The following CSMD1 variants were observed in gnomAD, a reference collection of about 807,000 sequenced individuals.
CSMD1 encodes the protein CUB and sushi domain-containing protein 1.
In CSMD1, 213 loss-of-function variants were observed where a neutral mutation model predicts 417.5. The observed-to-expected ratio is 0.51, with a 90% CI of 0.46 to 0.57. The LOEUF (loss-of-function observed/expected upper bound fraction) is 0.57, where lower values mean the gene tolerates loss of function less well. Among genes scored for constraint, CSMD1 ranks in the 20% least tolerant of loss-of-function variants. The probability of loss-of-function intolerance (pLI) is 0.00; values close to 1 mark genes in which losing one functional copy is unlikely to be tolerated. For missense variants in CSMD1, 6,923 were observed against 4,529.7 expected (o/e 1.53, Z -15.17); for synonymous variants, 2,862 against 1,736.8 (o/e 1.65, Z -16.11).
At chr8:4,288,705 G>A (rs981751441) in intron 3 of CSMD1, among the ~76,000 whole-genome samples, 1 of 152,078 alleles carries the variant, frequency 6.6e-6, no homozygotes, top group Non-Finnish European at 1.5e-5. Flanking sequence ...GTCTTCTAGT[G>A]GATTTTTAAG....
chr8:3,912,615 G>A (rs556006100), intron 5 of CSMD1, among the ~76,000 whole-genome samples: 3 of 152,152 alleles, frequency 2.0e-5, no homozygotes, highest in Admixed American at 6.5e-5. Context: ...AGGAGCTAAG[G>A]TGAATTGCAC....
chr8:4,274,052 A>C (rs1001429562), intron 3 of CSMD1, among the ~76,000 whole-genome samples: 1 of 152,218 alleles, frequency 6.6e-6, no homozygotes, highest in African/African-American at 2.4e-5. Context: ...GAGTTGAAGT[A>C]AGAAACTGTG....
chr8:3,396,135 A>G (rs1330975549), intron 17 of CSMD1, 59 bp downstream of exon 17: 32 of 1,429,708 alleles, frequency 2.2e-5, no homozygotes, highest in Non-Finnish European at 2.9e-5. Context: ...AAGAACCCAG[A>G]TCTTTAGTTC....
chr8:3,753,666 G>A (rs1461877319), intron 6 of CSMD1, among the ~76,000 whole-genome samples: 1 of 152,136 alleles, frequency 6.6e-6, no homozygotes, highest in Non-Finnish European at 1.5e-5. Flanking sequence ...TAAAATCAAT[G>A]ATAATAAATA....
At chr8:3,245,158 G>T (rs1799794814) in intron 26 of CSMD1, among the ~76,000 whole-genome samples, 1 of 152,116 alleles carries the variant, frequency 6.6e-6, no homozygotes, top group African/African-American at 2.4e-5. Context: ...TTACTATTTT[G>T]CCCTCTCTGT....
At chr8:4,684,311 C>A (rs142305926) in intron 1 of CSMD1, among the ~76,000 whole-genome samples, 3 of 152,114 alleles carry the variant, frequency 2.0e-5, no homozygotes, top group Non-Finnish European at 2.9e-5. Flanking sequence ...TGGTAAAAAT[C>A]GGTTTTCTGT....
intron 7 of CSMD1, among the ~76,000 whole-genome samples, chr8:3,669,167 A>C (rs781115637): frequency 2.6e-5 from 4 of 152,232 alleles, no homozygotes; most frequent in Non-Finnish European, 5.9e-5. Flanking sequence ...AGCACGTACA[A>C]ATGAGCATAA....
At chr8:4,049,225 A>G (rs1472072032) in intron 3 of CSMD1, among the ~76,000 whole-genome samples, 2 of 152,050 alleles carry the variant, frequency 1.3e-5, no homozygotes, top group Non-Finnish European at 2.9e-5. Context: ...TACCATATGT[A>G]GACTTCTCAA....
intron 1 of CSMD1, among the ~76,000 whole-genome samples, chr8:4,681,665 T>G (rs985667464): frequency 6.6e-6 from 1 of 152,162 alleles, no homozygotes; most frequent in African/African-American, 2.4e-5. Flanking sequence ...CCTGCTCTCA[T>G]ACATCCCCCC....
At chr8:2,977,382 G>C (rs1411208094) in intron 55 of CSMD1, among the ~76,000 whole-genome samples, 1 of 152,222 alleles carries the variant, frequency 6.6e-6, no homozygotes, top group African/African-American at 2.4e-5. Flanking sequence ...TTAGTTTGCA[G>C]AGGATAATGG....
chr8:4,082,251 T>C lies in CSMD1; in HGVS notation c.416-50152A>G, dbSNP rs150688344. 3.2e-3 allele frequency among the ~76,000 whole-genome samples: 486 copies of C among 152,164 alleles called. 1 individual carries two copies. The highest frequency in any genetic ancestry group is 4.4e-3 in the Non-Finnish European group (302 of 67,996). On this transcript the variant is annotated intron_variant, in intron 3 of 69. Transcript: ENST00000635120. The stretch of plus-strand genomic sequence containing the variant: ...GTAAAATGGACAAAGTCCTAGAAAA[T>C]TACAACCTATTAAAACTAACACAAG...
Position 4,130,552 on chromosome 8 carries a change from T to C in CSMD1, c.416-98453A>G, listed in dbSNP as rs953247835. Among the ~76,000 whole-genome samples the C allele has an allele frequency of 1.3e-5, 2 of 152,178 alleles. 1 individual carries two copies. The highest frequency in any genetic ancestry group is 4.8e-5 in the African/African-American group (2 of 41,454). ...TTAGGATTCTTCTTTCCTGGTTCTT[T>C]TAAATCAATTACCACTGACCTTATG... On this transcript the variant is annotated intron_variant, in intron 3 of 69. Coordinates refer to ENST00000635120, the MANE Select transcript of CSMD1 (RefSeq NM_033225.6).
chr8:4,678,426 G>C (rs1162016364), intron 1 of CSMD1, among the ~76,000 whole-genome samples: 1 of 151,570 alleles, frequency 6.6e-6, no homozygotes, highest in Non-Finnish European at 1.5e-5. Flanking sequence ...CAAAAAAAAA[G>C]AATTTGTTAA....
At chr8:4,127,410 C>T (rs1335813442) in intron 3 of CSMD1, among the ~76,000 whole-genome samples, 1 of 139,516 alleles carries the variant, frequency 7.2e-6, no homozygotes, top group Non-Finnish European at 1.5e-5. Context: ...AAAATCTAAA[C>T]CAACCACCTT....
chr8:3,138,433 C>A (rs1028008690), intron 41 of CSMD1, among the ~76,000 whole-genome samples: 6 of 152,146 alleles, frequency 3.9e-5, no homozygotes, highest in Non-Finnish European at 8.8e-5. Flanking sequence ...AAGCAAGTCA[C>A]ACCACCACAC....
intron 12 of CSMD1, among the ~76,000 whole-genome samples, chr8:3,453,132 T>C (rs1203044828): frequency 7.9e-5 from 12 of 152,214 alleles, no homozygotes; most frequent in African/African-American, 2.9e-4. Flanking sequence ...TCTCTGATGG[T>C]AGTTTGTATT....
At chr8:3,648,670 G>A (rs769748365) in intron 7 of CSMD1, among the ~76,000 whole-genome samples, 1 of 152,096 alleles carries the variant, frequency 6.6e-6, no homozygotes, top group East Asian at 1.9e-4. Context: ...TGAAACATAC[G>A]GCTATACCAA....
intron 26 of CSMD1, among the ~76,000 whole-genome samples, chr8:3,241,697 GTGTTT>G (rs1799538751): frequency 1.3e-5 from 2 of 152,288 alleles, no homozygotes; most frequent in East Asian, 1.9e-4. Flanking sequence ...CCTGGGGGAG[GTGTTT>G]CTGGAGGAAC....
intron 3 of CSMD1, among the ~76,000 whole-genome samples, chr8:4,341,875 C>T (rs762293816): frequency 2.0e-4 from 31 of 152,074 alleles, no homozygotes; most frequent in Non-Finnish European, 3.7e-4. Context: ...CTGATGTTAA[C>T]CTTCCACACC....
Sources: gnomAD v4.1 joint callset for allele counts (sites outside exome capture counted in the v4.1 genomes callset) on GRCh38, gnomAD v4.1.1 for gene constraint, MANE v1.5 for transcripts, NCBI Gene and HGNC (gene_info 2026-07-23, HGNC 2026-07-21) for gene names.